The following SFMBT2 variants were observed in gnomAD, a reference collection of about 807,000 sequenced individuals.
The protein encoded by SFMBT2 is scm-like with four MBT domains protein 2.
In SFMBT2, 38 loss-of-function variants were observed where a neutral mutation model predicts 110.1. That is an observed-to-expected ratio of 0.35 (90% CI 0.27 to 0.45). SFMBT2 has a LOEUF of 0.45. SFMBT2 is among the 20% of genes least tolerant of loss of function. The pLI is 1.00. For missense variants in SFMBT2, 1,011 were observed against 1,094.9 expected, an observed-to-expected ratio of 0.92 and a Z score of 1.08; for synonymous variants, 425 against 425.4, an observed-to-expected ratio of 1.00 and a Z score of 0.01.
At chr10:7,405,282 G>C (rs1846182585) in intron 1 of SFMBT2, among the ~76,000 whole-genome samples, 1 of 152,224 alleles carries the variant, frequency 6.6e-6, no homozygotes, top group African/African-American at 2.4e-5. Context: ...ATCTGGAAGA[G>C]TCTCTTTGAG....
rs180774891 is a variant in SFMBT2 at position 7,173,147 on chromosome 10, C to T, written c.1985-486G>A. On this transcript the variant is annotated intron_variant, in intron 17 of 20. Coordinates refer to ENST00000397167, the MANE Select transcript of SFMBT2 (RefSeq NM_001387889.1). ...TCCAGGACTGTGGGAGGTAAGTGTGCGCAGTGAAAGCTCAGGGTCTGTGGT... is the reference window on the plus strand; with the variant it reads ...TCCAGGACTGTGGGAGGTAAGTGTGTGCAGTGAAAGCTCAGGGTCTGTGGT... 1.3e-3 allele frequency among the ~76,000 whole-genome samples: 198 copies of T among 152,284 alleles called. 1 individual carries two copies. Among genetic ancestry groups the T allele is most frequent in the Non-Finnish European group, 1.6e-3 (107 of 68,022 alleles).
intron 1 of SFMBT2, among the ~76,000 whole-genome samples, chr10:7,386,104 G>A (rs1362183968): frequency 1.3e-5 from 2 of 152,210 alleles, no homozygotes; most frequent in South Asian, 2.1e-4. Flanking sequence ...AAAGCGAGCA[G>A]TGTTTCACAA....
chr10:7,314,925 AAG>A (rs368054772), intron 4 of SFMBT2, among the ~76,000 whole-genome samples: 113 of 149,928 alleles, frequency 7.5e-4, no homozygotes, highest in African/African-American at 2.6e-3. Context: ...GAGAAACAGA[AAG>A]AGAGAGAGAG....
intron 8 of SFMBT2, chr10:7,244,199 G>A (rs1047229275): frequency 2.0e-5 from 5 of 245,812 alleles, no homozygotes; most frequent in South Asian, 1.5e-4. Flanking sequence ...CCTCCAGCCC[G>A]AGAGGAAATC....
At chr10:7,263,992 C>A (rs949546669) in intron 7 of SFMBT2, 2 of 228,880 alleles carry the variant, frequency 8.7e-6, no homozygotes, top group Non-Finnish European at 1.5e-5. Flanking sequence ...ACAGGTACAT[C>A]ATTGAAAGCT....
At chr10:7,324,244 TCA>T (rs148131364) in intron 4 of SFMBT2, among the ~76,000 whole-genome samples, 6 of 152,068 alleles carry the variant, frequency 3.9e-5, no homozygotes, top group African/African-American at 1.2e-4. Flanking sequence ...ATTACTATAA[TCA>T]CACACACACA....
At chr10:7,409,643 GA>G (rs911294448) in intron 1 of SFMBT2, among the ~76,000 whole-genome samples, 114 of 146,792 alleles carry the variant, frequency 7.8e-4, no homozygotes, top group African/African-American at 2.5e-3. Flanking sequence ...TCTAACCACG[GA>G]AAAAAAAAAC....
chr10:7,319,842 CAGAGAGACAG>C (rs1843123003), intron 4 of SFMBT2, among the ~76,000 whole-genome samples: 1 of 113,266 alleles, frequency 8.8e-6, no homozygotes, highest in Admixed American at 8.6e-5. Flanking sequence ...GAGAGGAAGA[CAGAGAGACAG>C]AGAGAGACAC....
At chr10:7,383,147 G>C (rs1845474937) in intron 1 of SFMBT2, among the ~76,000 whole-genome samples, 1 of 152,150 alleles carries the variant, frequency 6.6e-6, no homozygotes, top group Non-Finnish European at 1.5e-5. Context: ...GGGATATTTT[G>C]TGACTCACAT....
At position 7,221,908 on chromosome 10, in the gene SFMBT2, T is replaced by C. The variant is rs149866684; in HGVS notation, c.1204-1371A>G. Among the ~76,000 whole-genome samples, 109 of 152,296 alleles carry C rather than the reference T, an allele frequency of 7.2e-4. No homozygotes were observed. The East Asian group carries it at 0.014, about 19-fold the overall frequency. On this transcript the variant is annotated intron_variant, in intron 10 of 20. Coordinates refer to ENST00000397167, the MANE Select transcript of SFMBT2 (RefSeq NM_001387889.1). The stretch of plus-strand genomic sequence containing the variant: ...CCTTCACCCCCAAAATACCCTTGCA[T>C]TGGGGACCTTTGGTAATTAGTCCCT...
chr10:7,253,533 A>G (rs1455469633), intron 7 of SFMBT2, among the ~76,000 whole-genome samples: 1 of 152,208 alleles, frequency 6.6e-6, no homozygotes, highest in Non-Finnish European at 1.5e-5. Flanking sequence ...AACAGTTCGT[A>G]AGTTATAGTC....
At chr10:7,409,911 A>T (rs976840994) in intron 1 of SFMBT2, among the ~76,000 whole-genome samples, 11 of 151,942 alleles carry the variant, frequency 7.2e-5, no homozygotes, top group Admixed American at 6.6e-4. Context: ...GTGTCCGGCC[A>T]CCGAGAATCA....
At chr10:7,313,545 T>C (rs1842910192) in intron 4 of SFMBT2, among the ~76,000 whole-genome samples, 1 of 152,234 alleles carries the variant, frequency 6.6e-6, no homozygotes. Flanking sequence ...CTCCAACTCC[T>C]GGGTTCAAGT....
intron 4 of SFMBT2, among the ~76,000 whole-genome samples, chr10:7,341,035 T>C (rs1407536368): frequency 1.3e-5 from 2 of 152,194 alleles, no homozygotes; most frequent in Admixed American, 6.5e-5. Context: ...AGCTCATCTT[T>C]TCTGCAGCGT....
intron 10 of SFMBT2, among the ~76,000 whole-genome samples, chr10:7,221,164 T>G (rs866346729): frequency 6.6e-6 from 1 of 151,896 alleles, no homozygotes; most frequent in East Asian, 1.9e-4. Flanking sequence ...GTACACACCA[T>G]TTCCTCCACC....
At chr10:7,203,208 C>A (rs1193610018) in intron 12 of SFMBT2, 1 of 790,698 alleles carries the variant, frequency 1.3e-6, no homozygotes, top group African/African-American at 1.9e-5. Flanking sequence ...TAGAGTCTGG[C>A]AGGTTTGGAG....
intron 11 of SFMBT2, among the ~76,000 whole-genome samples, chr10:7,218,975 A>G (rs1226444512): frequency 6.6e-6 from 1 of 152,234 alleles, no homozygotes. Context: ...ATAAATAATG[A>G]CTGCAAAAGA....
At chr10:7,184,423 T>G (rs1253342109) in intron 16 of SFMBT2, among the ~76,000 whole-genome samples, 2 of 152,250 alleles carry the variant, frequency 1.3e-5, no homozygotes, top group Admixed American at 6.5e-5. Context: ...AGATGTGCCT[T>G]TCACCTTCCG....
chr10:7,183,873 G>A (rs961303007), intron 16 of SFMBT2, among the ~76,000 whole-genome samples: 4 of 152,142 alleles, frequency 2.6e-5, no homozygotes, highest in African/African-American at 9.7e-5. Context: ...ATCCCCAAAC[G>A]ACTGACCCAC....
Sources: gnomAD v4.1 joint callset for allele counts (sites outside exome capture counted in the v4.1 genomes callset) on GRCh38, gnomAD v4.1.1 for gene constraint, MANE v1.5 for transcripts, NCBI Gene and HGNC (gene_info 2026-07-23, HGNC 2026-07-21) for gene names.